Variants in ADD3 observed in about 807,000 individuals in gnomAD.
ADD3 encodes adducin 3, also known as gamma-adducin.
In ADD3, 25 loss-of-function variants were observed where a neutral mutation model predicts 80.2. The observed-to-expected ratio is 0.31, with a 90% confidence interval of 0.23 to 0.44. The LOEUF is 0.44. ADD3 is among the 20% of genes least tolerant of loss of function. ADD3 has a pLI of 1.00. For missense variants in ADD3, 829 were observed against 847.5 expected, an observed-to-expected ratio of 0.98 and a Z score of 0.27; for synonymous variants, 284 against 289.6, an observed-to-expected ratio of 0.98 and a Z score of 0.20.
At chr10:110,096,838 G>A (rs1341077299) in intron 1 of ADD3, among the ~76,000 whole-genome samples, 2 of 152,130 alleles carry the variant, frequency 1.3e-5, no homozygotes, top group Non-Finnish European at 2.9e-5. Flanking sequence ...TCTTGAGGCC[G>A]TCTTTGAAAA....
At chr10:110,003,692 G>A (rs1230055198), upstream of ADD3, among the ~76,000 whole-genome samples, 1 of 152,148 alleles carries the variant, frequency 6.6e-6, no homozygotes, top group East Asian at 1.9e-4. Flanking sequence ...TGAAACTGAA[G>A]CCTGTGTTTT....
At chr10:110,110,656 G>A (rs921380133) in intron 2 of ADD3, among the ~76,000 whole-genome samples, 4 of 151,664 alleles carry the variant, frequency 2.6e-5, no homozygotes, top group African/African-American at 9.7e-5. Flanking sequence ...CATACCCTTA[G>A]AACCATATTT....
intron 10 of ADD3, among the ~76,000 whole-genome samples, chr10:110,125,126 T>C (rs59202042): frequency 0.011 from 1,627 of 152,332 alleles, 32 homozygotes; most frequent in African/African-American, 0.038. Flanking sequence ...TTCTGTAGTC[T>C]ATAAGATTTC....
intron 1 of ADD3, among the ~76,000 whole-genome samples, chr10:110,037,282 C>T (rs955020342): frequency 1.3e-5 from 2 of 152,162 alleles, no homozygotes; most frequent in African/African-American, 2.4e-5. Flanking sequence ...GACACAGTCA[C>T]GTAGTGACTA....
intron 1 of ADD3, among the ~76,000 whole-genome samples, chr10:109,997,905 G>A (rs925421296): frequency 2.0e-5 from 3 of 152,148 alleles, no homozygotes; most frequent in Non-Finnish European, 4.4e-5. Context: ...TTTTAATAAC[G>A]ATCTAAATCC....
At chr10:110,014,836 A>G (rs908789934) in intron 1 of ADD3, among the ~76,000 whole-genome samples, 1 of 151,710 alleles carries the variant, frequency 6.6e-6, no homozygotes, top group Non-Finnish European at 1.5e-5. Context: ...CTTCTTTTAC[A>G]GTTTTTATTG....
At position 110,049,680 on chromosome 10, in the gene ADD3, G is replaced by T. The variant is rs567784971; in HGVS notation, c.-30+41381G>T. Among the ~76,000 whole-genome samples, 89 of 152,318 alleles carry T rather than the reference G, an allele frequency of 5.8e-4. 1 individual carries two copies. The highest frequency in any genetic ancestry group is 2.0e-3 in the African/African-American group (85 of 41,570). The stretch of plus-strand genomic sequence containing the variant: ...AGGCAGGCAGGTCACGAGGTCAGGA[G>T]ATCGAGACCATCCTGGCTAACACGG... On this transcript the variant is annotated intron_variant, in intron 1 of 14. Transcript: ENST00000356080.
At chr10:110,011,885 C>G (rs1487320273) in intron 1 of ADD3, among the ~76,000 whole-genome samples, 1 of 152,186 alleles carries the variant, frequency 6.6e-6, no homozygotes, top group Non-Finnish European at 1.5e-5. Flanking sequence ...GCCAGAGATT[C>G]AGTTCTCTTG....
intron 1 of ADD3, among the ~76,000 whole-genome samples, chr10:110,036,836 G>C (rs867113858): frequency 1.8e-4 from 27 of 152,168 alleles, no homozygotes; most frequent in Non-Finnish European, 1.5e-4. Flanking sequence ...GTAGAAAATA[G>C]TGTTATGACT....
intron 2 of ADD3, 25 bp downstream of exon 2, chr10:110,100,873 T>G (rs981069213): frequency 5.8e-5 from 89 of 1,536,096 alleles, no homozygotes; most frequent in Non-Finnish European, 7.4e-5. Context: ...AAGGCTGTAA[T>G]TTTTCTCCCT....
chr10:110,007,079 G>A (rs1013419726), upstream of ADD3, among the ~76,000 whole-genome samples: 2 of 152,152 alleles, frequency 1.3e-5, no homozygotes, highest in South Asian at 2.1e-4. Context: ...GGGGGTGGGA[G>A]GCCCGGTGTC....
intron 1 of ADD3, among the ~76,000 whole-genome samples, chr10:110,075,232 G>T (rs903955637): frequency 2.0e-5 from 3 of 152,092 alleles, no homozygotes; most frequent in Non-Finnish European, 2.9e-5. Flanking sequence ...TACTAAATCT[G>T]ATATCATTGG....
At chr10:110,002,070 A>C (rs766601964), upstream of ADD3, among the ~76,000 whole-genome samples, 1 of 152,208 alleles carries the variant, frequency 6.6e-6, no homozygotes, top group Non-Finnish European at 1.5e-5. Flanking sequence ...AAGTGGGCAG[A>C]TCGCTCGAGG....
At chr10:110,048,433 G>T (rs1208579611) in intron 1 of ADD3, among the ~76,000 whole-genome samples, 1 of 152,202 alleles carries the variant, frequency 6.6e-6, no homozygotes, top group Non-Finnish European at 1.5e-5. Flanking sequence ...CATTTGGAGG[G>T]CTCAGAAGAA....
chr10:110,044,095 C>T (rs1267819014), intron 1 of ADD3, among the ~76,000 whole-genome samples: 3 of 151,980 alleles, frequency 2.0e-5, no homozygotes, highest in African/African-American at 4.8e-5. Flanking sequence ...CCCAGCTACT[C>T]GGGAGGCTGA....
At chr10:110,005,974 AGCT>A, upstream of ADD3, 3 of 241,050 alleles carry the variant, frequency 1.2e-5, no homozygotes, top group Non-Finnish European at 2.5e-5. Flanking sequence ...CATTGAGAGA[AGCT>A]GCTGCTGCTA....
intron 2 of ADD3, among the ~76,000 whole-genome samples, chr10:110,107,953 T>C (rs1402717690): frequency 6.6e-6 from 1 of 152,164 alleles, no homozygotes; most frequent in Non-Finnish European, 1.5e-5. Flanking sequence ...TTCACAAAAT[T>C]TAACAACTAC....
At chr10:110,063,740 T>TATATATATATATATATA (rs1843515165) in intron 1 of ADD3, among the ~76,000 whole-genome samples, 2 of 21,966 alleles carry the variant, frequency 9.1e-5, no homozygotes, top group African/African-American at 3.1e-4. Flanking sequence ...ATATTCATTA[T>TATATATATATATATATA]ATATATATAT....
rs562176289 is a variant in ADD3, at chr10:110,134,813, T to C, written c.*1195T>C. 4.6e-5 allele frequency: 7 copies of C among 152,798 alleles called. No individual in the cohort carries two copies. In the East Asian group the frequency reaches 1.3e-3, roughly 29 times the overall value. The allele number at this position is 152,798 out of a possible 1,614,324, so 9.5% of individuals were successfully genotyped here. On this transcript the variant is annotated 3_prime_UTR_variant, in exon 15 of 15. Coordinates refer to ENST00000356080, the MANE Select transcript of ADD3 (RefSeq NM_016824.5). ...GAGTTTTAAAAGGGTCAAATCTTTC[T>C]AATTTTTTGTATCTTTAGAGGGCAG...
Sources: allele counts gnomAD v4.1 joint callset (sites outside exome capture counted in the v4.1 genomes callset), GRCh38; gene constraint gnomAD v4.1.1; transcripts MANE v1.5; gene names NCBI Gene and HGNC (gene_info 2026-07-23, HGNC 2026-07-21).